Variants in SLC6A9 observed in about 807,000 individuals in gnomAD.
The protein encoded by SLC6A9 is sodium- and chloride-dependent glycine transporter 1.
A neutral mutation model predicts 70.9 loss-of-function variants in SLC6A9; 31 were observed. The ratio of observed to expected loss-of-function variants is 0.44; its 90% CI spans 0.33 to 0.59. The LOEUF is 0.59. Ranked by LOEUF, SLC6A9 falls within the 20% of genes least tolerant of loss-of-function variation. The probability of loss-of-function intolerance (pLI) is 0.04; values close to 1 mark genes in which losing one functional copy is unlikely to be tolerated. For synonymous variants in SLC6A9, 310 were observed against 341.3 expected (o/e 0.91, Z 1.01); for missense variants, 631 against 845.2 (o/e 0.75, Z 3.14).
intron 1 of SLC6A9, among the ~76,000 whole-genome samples, chr1:44,030,031 T>C (rs1478972602): frequency 6.6e-6 from 1 of 152,088 alleles, no homozygotes; most frequent in Non-Finnish European, 1.5e-5. Flanking sequence ...CGAGCAAGCG[T>C]CCCGTCTCCT....
chr1:44,028,602 G>T (rs190991683), intron 1 of SLC6A9, among the ~76,000 whole-genome samples: 1 of 151,996 alleles, frequency 6.6e-6, no homozygotes, highest in African/African-American at 2.4e-5. Context: ...CTAAAAATAC[G>T]AAATTAGCTG....
Position 43,996,880 on chromosome 1 carries a change from G to A in SLC6A9, c.*665C>T, listed in dbSNP as rs2085881034. ...AACAAATGCTTTGGGCAGGCTGCTG[G>A]GTCACGGGCCCCTGCTGGCTGGGCC... On this transcript the variant is annotated 3_prime_UTR_variant, in exon 14 of 14. Transcript: ENST00000372310. 1 of 153,012 alleles carries A rather than the reference G, an allele frequency of 6.5e-6. No homozygotes were observed. Among genetic ancestry groups the A allele is most frequent in the African/African-American group, 2.4e-5 (1 of 41,422 alleles). 9.5% of individuals were successfully genotyped at this position (153,012 alleles called of 1,614,324 possible).
chr1:44,000,000 C>T (rs893675375), intron 12 of SLC6A9, among the ~76,000 whole-genome samples: 1 of 152,224 alleles, frequency 6.6e-6, no homozygotes, highest in Non-Finnish European at 1.5e-5. Context: ...GTGGCGCTGG[C>T]CCAGGCTTGG....
chr1:44,001,092 GC>G, intron 10 of SLC6A9, 37 bp from the exon 11 acceptor site: 2 of 1,606,236 alleles, frequency 1.2e-6, no homozygotes, highest in South Asian at 2.2e-5. Flanking sequence ...GGCGCCTGCA[GC>G]CCGGGCTCCC....
At chr1:44,007,984 G>A (rs545597162) in intron 5 of SLC6A9, among the ~76,000 whole-genome samples, 1 of 151,338 alleles carries the variant, frequency 6.6e-6, no homozygotes, top group South Asian at 2.1e-4. Context: ...TCTGCCTCCC[G>A]GGTTCACGCC....
chr1:44,015,751 T>C (rs2086718630), intron 2 of SLC6A9: 1 of 610,034 alleles, frequency 1.6e-6, no homozygotes, highest in Non-Finnish European at 2.1e-6. Context: ...GTCCTTCACC[T>C]ACATGGCACT....
In SLC6A9 at chr1:44,002,616, C is replaced by A. The variant is rs200759556; in HGVS notation, c.754G>T (p.Val252Leu). ...CGGACAAACAGAATGGTCAGCACCA[C>A]GTAGGGGAACGTGGCCGTGAAGTAC... ...VVYFTATFPY[V>L]VLTILFVRGV... Residue 252 changes from valine to leucine, a missense_variant, in exon 7 of 14, where the codon GTG (valine) becomes TTG (leucine). Transcript: ENST00000372310. This position sits in a 1 kb window ranked among gnomAD's most constrained non-coding sequence, Gnocchi z 5.5. The A allele has an allele frequency of 9.3e-6, 15 of 1,614,038 alleles. No individual in the cohort carries two copies. Among genetic ancestry groups the A allele is most frequent in the Non-Finnish European group, 1.2e-5 (14 of 1,180,030 alleles).
rs1339162209 is a variant in SLC6A9, at chr1:44,018,911, CA to C, written c.30+5336del. ...CACCACTGCACTCCAAACTGGGTGA[CA>C]AAGTGAGACCTTGTTTCAAAAAATT... On this transcript the variant is annotated intron_variant, in intron 2 of 13. Coordinates refer to ENST00000372310, the MANE Select transcript of SLC6A9 (RefSeq NM_001024845.3). This position sits in a 1 kb window ranked among gnomAD's most constrained non-coding sequence, Gnocchi z 4.2. Among the ~76,000 whole-genome samples the C allele has an allele frequency of 2.6e-5, 4 of 152,080 alleles. No individual in the cohort carries two copies. Among genetic ancestry groups the C allele is most frequent in the Non-Finnish European group, 4.4e-5 (3 of 68,032 alleles).
intron 1 of SLC6A9, among the ~76,000 whole-genome samples, chr1:44,025,470 C>T (rs538023822): frequency 1.4e-5 from 2 of 145,522 alleles, no homozygotes; most frequent in South Asian, 2.2e-4. Flanking sequence ...CCAGCCTGGG[C>T]GACAGAGCAA....
At chr1:44,007,846 T>C (rs1487442077) in intron 5 of SLC6A9, among the ~76,000 whole-genome samples, 3 of 151,944 alleles carry the variant, frequency 2.0e-5, no homozygotes, top group Admixed American at 2.0e-4. Context: ...ACGGCTACTC[T>C]GTAAAGATCC....
intron 2 of SLC6A9, among the ~76,000 whole-genome samples, chr1:44,011,212 C>T (rs2086554923): frequency 6.6e-6 from 1 of 152,184 alleles, no homozygotes; most frequent in Non-Finnish European, 1.5e-5. Context: ...CAAAACCTCC[C>T]CTTGCCCCTC....
chr1:44,015,303 C>T (rs919191152), intron 2 of SLC6A9, among the ~76,000 whole-genome samples: 18 of 152,302 alleles, frequency 1.2e-4, no homozygotes, highest in Middle Eastern at 3.4e-3. Flanking sequence ...GTGACACTCC[C>T]GCCTCCTAGA....
At position 44,018,542 on chromosome 1, in the gene SLC6A9, C is replaced by G. The variant is rs915486678; in HGVS notation, c.30+5706G>C. On this transcript the variant is annotated intron_variant, in intron 2 of 13. Coordinates refer to ENST00000372310, the MANE Select transcript of SLC6A9 (RefSeq NM_001024845.3). The surrounding 1 kb of genome is among the most constrained non-coding windows in gnomAD (Gnocchi z 4.2). ...CCGGGAGGTGGAGGTTGCAGTGAGC[C>G]GAGATCGCGCCATTGCATTCCAGCC... Among the ~76,000 whole-genome samples the G allele has an allele frequency of 6.6e-6, 1 of 151,044 alleles. No homozygotes were observed. The highest frequency in any genetic ancestry group is 2.4e-5 in the African/African-American group (1 of 41,026).
At chr1:44,017,086 G>A (rs201301531) in intron 2 of SLC6A9, 27 of 1,603,606 alleles carry the variant, frequency 1.7e-5, no homozygotes, top group South Asian at 1.0e-4. Context: ...CATGAGCCGC[G>A]GCCATCCTGG....
Position 44,001,224 on chromosome 1 carries a change from G to T in SLC6A9, c.1275C>A (p.Thr425=), listed in dbSNP as rs754699207. 6.2e-7 allele frequency: 1 copy of T among 1,614,074 alleles called. No homozygotes were observed. The highest frequency in any genetic ancestry group is 8.5e-7 in the Non-Finnish European group (1 of 1,180,034). The change falls in exon 10 of 14, where the codon ACC becomes ACA. Residue 425 remains threonine (T), a synonymous_variant. Coordinates refer to ENST00000372310, the MANE Select transcript of SLC6A9 (RefSeq NM_001024845.3). Reference sequence around the variant, plus strand: ...CCACAGCCACGCCCAAGGTCACATAGGTCTTTTTCTGCAGGATCCACTCAT... The same window carrying T: ...CCACAGCCACGCCCAAGGTCACATATGTCTTTTTCTGCAGGATCCACTCAT... ...VGNEWILQKK[T]YVTLGVAVAG... is the part of the protein sequence containing the mutation.
chr1:44,006,069 C>A (rs1310086775), intron 5 of SLC6A9, among the ~76,000 whole-genome samples: 7 of 152,190 alleles, frequency 4.6e-5, no homozygotes, highest in African/African-American at 1.7e-4. Context: ...ACTGGAGCAT[C>A]TGGGGGTGGG....
At position 44,008,379 on chromosome 1, in the gene SLC6A9, C is replaced by A. The variant is rs768178013; in HGVS notation, c.564G>T (p.Arg188Ser). Residue 188 changes from arginine to serine, a missense_variant, in exon 5 of 14, where the codon AGG (arginine) becomes AGT (serine). Coordinates refer to ENST00000372310, the MANE Select transcript of SLC6A9 (RefSeq NM_001024845.3). ...LSHLLNHSLQ[R>S]TSPSEEYWRL... ...TCCAGTACTCCTCGCTGGGGCTGGT[C>A]CTCTGGAGGCTGTGGTTGAGCAGGT... 2 of 1,613,974 alleles carry A rather than the reference C, an allele frequency of 1.2e-6. No homozygotes were observed. The highest frequency in any genetic ancestry group is 2.7e-5 in the African/African-American group (2 of 74,942).
Position 44,009,960 on chromosome 1 carries a change from C to A in SLC6A9, c.319+5G>T. ...GTGTGAGCGAGTGCCCCGCCCAGGC[C>A]TCACCTTTGAACATGGGGCTGATCC... On this transcript the variant is annotated splice_donor_5th_base_variant and intron_variant, in intron 4 of 13. Transcript: ENST00000372310. 2 of 1,613,812 alleles carry A rather than the reference C, an allele frequency of 1.2e-6. No homozygotes were observed. The highest frequency in any genetic ancestry group is 1.7e-6 in the Non-Finnish European group (2 of 1,179,830).
chr1:44,021,788 C>G (rs1355794801), intron 2 of SLC6A9, among the ~76,000 whole-genome samples: 1 of 152,218 alleles, frequency 6.6e-6, no homozygotes, highest in Non-Finnish European at 1.5e-5. Context: ...ACTGGGCTGC[C>G]TGTGTTAGAA....
Sources: gnomAD v4.1 joint callset for allele counts (sites outside exome capture counted in the v4.1 genomes callset) on GRCh38, gnomAD v4.1.1 for gene constraint, Gnocchi (gnomAD v3.1) non-coding constraint, MANE v1.5 for transcripts, NCBI Gene and HGNC (gene_info 2026-07-23, HGNC 2026-07-21) for gene names.